CECR2: variants seen among roughly 807,000 people sequenced by gnomAD.
The protein encoded by CECR2 is chromatin remodeling regulator CECR2.
A neutral mutation model predicts 154.5 loss-of-function variants in CECR2; 30 were observed. The ratio of observed to expected loss-of-function variants is 0.19; its 90% CI spans 0.15 to 0.26. CECR2 has a LOEUF of 0.26. Among genes scored for constraint, CECR2 ranks in the 10% least tolerant of loss-of-function variants. The probability of loss-of-function intolerance (pLI) is 1.00; values close to 1 mark genes in which losing one functional copy is unlikely to be tolerated. For missense variants in CECR2, 1,743 were observed against 1,829.3 expected (o/e 0.95, Z 0.86); for synonymous variants, 725 against 683.7 (o/e 1.06, Z -0.94).
intron 1 of CECR2, among the ~76,000 whole-genome samples, chr22:17,449,611 T>C (rs1021898431): frequency 9.9e-5 from 15 of 150,788 alleles, no homozygotes; most frequent in African/African-American, 2.9e-4. Flanking sequence ...TGCCTCAGCT[T>C]CCCGAGTAGC....
intron 1 of CECR2, among the ~76,000 whole-genome samples, chr22:17,453,062 A>G (rs923601600): frequency 2.0e-5 from 3 of 152,196 alleles, no homozygotes; most frequent in Non-Finnish European, 4.4e-5. Flanking sequence ...CTCACACCTC[A>G]TGACCACATT....
In CECR2 at chr22:17,507,892, A is replaced by G. The variant is rs544440649; in HGVS notation, c.870+2876A>G. On this transcript the variant is annotated intron_variant, in intron 7 of 18. Transcript: ENST00000262608. ...GGGAAGTAGAAAATCTTAGCAGACT[A>G]ATAATTAGGGAGTTCTCACAGAAGG... Among the ~76,000 whole-genome samples, 3 of 151,760 alleles carry G rather than the reference A, an allele frequency of 2.0e-5. No homozygotes were observed. In the South Asian group the frequency reaches 6.2e-4, roughly 31 times the overall value.
In CECR2 at chr22:17,432,170, G is replaced by A. The variant is rs2214345; in HGVS notation, c.127-45418G>A. Among the ~76,000 whole-genome samples the A allele has an allele frequency of 8.6e-3, 1,227 of 142,674 alleles. 7 individuals carry two copies. The highest frequency in any genetic ancestry group is 0.016 in the Non-Finnish European group (986 of 63,372). 93.6% of individuals were successfully genotyped at this position (142,674 alleles called of 152,430 possible). A position where few individuals can be genotyped will look rare whatever the true frequency, so the allele number is the denominator to read the frequency against. Reference sequence around the variant, plus strand: ...GTGGAATCACACAGCCCCACTTTGTGCCTGTATGGATTTGCCCACTCTGGA... The same window carrying A: ...GTGGAATCACACAGCCCCACTTTGTACCTGTATGGATTTGCCCACTCTGGA... On this transcript the variant is annotated intron_variant, in intron 1 of 18. Coordinates refer to ENST00000262608, the MANE Select transcript of CECR2 (RefSeq NM_001290047.2).
intron 9 of CECR2, among the ~76,000 whole-genome samples, chr22:17,526,168 T>C (rs962521181): frequency 6.6e-6 from 1 of 152,156 alleles, no homozygotes; most frequent in Non-Finnish European, 1.5e-5. Context: ...CTTTAATTTA[T>C]ATGGACCCAC....
chr22:17,450,712 G>A (rs561411521), intron 1 of CECR2, among the ~76,000 whole-genome samples: 148 of 152,300 alleles, frequency 9.7e-4, no homozygotes, highest in South Asian at 5.4e-3. Flanking sequence ...CATCAGTCTG[G>A]TTTCCCCAAC....
At position 17,549,418 on chromosome 22, in the gene CECR2, C is replaced by T. The variant is rs1824423720; in HGVS notation, c.4131C>T (p.Ala1377=). 6.2e-7 allele frequency: 1 copy of T among 1,613,670 alleles called. No homozygotes were observed. The change falls in exon 17 of 19, where the codon GCC becomes GCT. Residue 1377 remains alanine, a synonymous_variant. Transcript: ENST00000262608. ...CCCTCCCACCTCACCACCCAGGGGCCACCCAGCCCAACGGCCTCTCTCAGG... is the reference window on the plus strand; with the variant it reads ...CCCTCCCACCTCACCACCCAGGGGCTACCCAGCCCAACGGCCTCTCTCAGG... ...VAALPPHHPG[A]TQPNGLSQEG...
chr22:17,465,775 G>A (rs2055022393), intron 1 of CECR2, among the ~76,000 whole-genome samples: 2 of 152,002 alleles, frequency 1.3e-5, no homozygotes, highest in Admixed American at 6.6e-5. Flanking sequence ...GAGCCATCAC[G>A]CCCAGCCTAA....
chr22:17,373,844 A>T (rs1448642837), intron 1 of CECR2, among the ~76,000 whole-genome samples: 1 of 152,214 alleles, frequency 6.6e-6, no homozygotes, highest in Non-Finnish European at 1.5e-5. Context: ...CAGAACCAGC[A>T]ATTTTATACC....
chr22:17,436,254 G>A (rs1209981424), intron 1 of CECR2, among the ~76,000 whole-genome samples: 1 of 152,152 alleles, frequency 6.6e-6, no homozygotes, highest in Non-Finnish European at 1.5e-5. Context: ...CACTGCACCC[G>A]GCCTTTAGTT....
rs753429481 is a variant in CECR2, at chr22:17,541,974, A to G, written c.2013+7A>G. The G allele has an allele frequency of 9.9e-6, 16 of 1,610,614 alleles. No homozygotes were observed. Among genetic ancestry groups the G allele is most frequent in the Non-Finnish European group, 1.3e-5 (15 of 1,178,372 alleles). ...TCAGCCTTTCACCATGCAGGTAAGCAGCCTACTCTGGAGGTGCAGGTGCAG... is the reference window on the plus strand; with the variant it reads ...TCAGCCTTTCACCATGCAGGTAAGCGGCCTACTCTGGAGGTGCAGGTGCAG... On this transcript the variant is annotated splice_region_variant and intron_variant, in intron 15 of 18. Transcript: ENST00000262608.
At chr22:17,479,341 T>A (rs907100597) in intron 2 of CECR2, among the ~76,000 whole-genome samples, 12 of 152,218 alleles carry the variant, frequency 7.9e-5, no homozygotes, top group African/African-American at 2.7e-4. Context: ...TAGTAGGTAC[T>A]GGCAGCACAA....
chr22:17,485,272 A>C lies in CECR2; in HGVS notation c.221+7590A>C, dbSNP rs547160537. On this transcript the variant is annotated intron_variant, in intron 2 of 18. Coordinates refer to ENST00000262608, the MANE Select transcript of CECR2 (RefSeq NM_001290047.2). ...ACACAGCTGGTAATTGAGACAGTAC[A>C]GATCTGTTTCCTAGACCTCCGACTC... Among the ~76,000 whole-genome samples the C allele has an allele frequency of 2.6e-5, 4 of 152,350 alleles. No homozygotes were observed. The East Asian group carries it at 7.7e-4, about 29-fold the overall frequency.
chr22:17,509,947 G>A (rs2055912635), intron 7 of CECR2, among the ~76,000 whole-genome samples: 1 of 152,154 alleles, frequency 6.6e-6, no homozygotes, highest in Non-Finnish European at 1.5e-5. Flanking sequence ...GGTAAGTCCT[G>A]CTGTGATGGC....
intron 2 of CECR2, among the ~76,000 whole-genome samples, chr22:17,479,350 A>G (rs1408596040): frequency 6.6e-6 from 1 of 152,244 alleles, no homozygotes; most frequent in East Asian, 1.9e-4. Flanking sequence ...CTGGCAGCAC[A>G]AACACTCACC....
upstream of CECR2, among the ~76,000 whole-genome samples, chr22:17,368,581 G>T (rs1369166580): frequency 6.6e-6 from 1 of 152,152 alleles, no homozygotes; most frequent in Non-Finnish European, 1.5e-5. Flanking sequence ...CCCTTCGGCC[G>T]TAGCACATTC....
At chr22:17,475,324 C>T (rs896009727) in intron 1 of CECR2, among the ~76,000 whole-genome samples, 2 of 151,944 alleles carry the variant, frequency 1.3e-5, no homozygotes, top group Non-Finnish European at 2.9e-5. Flanking sequence ...GAACATTGGC[C>T]GGGGGGAGCA....
At chr22:17,447,458 C>A (rs1389491522) in intron 1 of CECR2, among the ~76,000 whole-genome samples, 1 of 151,942 alleles carries the variant, frequency 6.6e-6, no homozygotes, top group Non-Finnish European at 1.5e-5. Context: ...CGGCTGTTTA[C>A]AATCCTTTAG....
intron 2 of CECR2, among the ~76,000 whole-genome samples, chr22:17,484,994 A>G (rs2055395623): frequency 6.6e-6 from 1 of 152,208 alleles, no homozygotes; most frequent in Non-Finnish European, 1.5e-5. Flanking sequence ...TTTAAAATTG[A>G]AATATAGAAG....
intron 1 of CECR2, among the ~76,000 whole-genome samples, chr22:17,378,800 G>C (rs750557117): frequency 1.3e-5 from 2 of 152,208 alleles, no homozygotes; most frequent in Non-Finnish European, 2.9e-5. Flanking sequence ...ATGTGAGATA[G>C]ATGAGTTTTT....
Sources: gnomAD v4.1 joint callset for allele counts (sites outside exome capture counted in the v4.1 genomes callset) on GRCh38, gnomAD v4.1.1 for gene constraint, MANE v1.5 for transcripts, NCBI Gene and HGNC (gene_info 2026-07-23, HGNC 2026-07-21) for gene names.